CAMK2D: variants seen among roughly 807,000 people sequenced by gnomAD.
CAMK2D encodes the protein calcium/calmodulin-dependent protein kinase type II subunit delta.
CAMK2D carries 37 observed loss-of-function variants against 84.0 expected under a neutral mutation model. The observed-to-expected ratio is 0.44, with a 90% CI of 0.34 to 0.58. The LOEUF is 0.58. Ranked by LOEUF, CAMK2D falls within the 20% of genes least tolerant of loss-of-function variation. CAMK2D has a pLI of 0.02. For missense variants in CAMK2D, 448 were observed against 652.5 expected (o/e 0.69, Z 3.41); for synonymous variants, 202 against 212.5 (o/e 0.95, Z 0.43).
intron 2 of CAMK2D, among the ~76,000 whole-genome samples, chr4:113,707,558 A>G (rs1227823700): frequency 1.3e-5 from 2 of 152,220 alleles, no homozygotes; most frequent in Non-Finnish European, 2.9e-5. Flanking sequence ...CAGATATTTA[A>G]TGTACCTAGG....
intron 4 of CAMK2D, among the ~76,000 whole-genome samples, chr4:113,572,519 T>C (rs1202595882): frequency 6.7e-6 from 1 of 150,102 alleles, no homozygotes; most frequent in African/African-American, 2.4e-5. Context: ...CAGCCAACAA[T>C]TATATGAAAA....
intron 2 of CAMK2D, among the ~76,000 whole-genome samples, chr4:113,666,589 A>ACACG (rs1377992581): frequency 6.6e-6 from 1 of 151,886 alleles, no homozygotes; most frequent in African/African-American, 2.4e-5. Context: ...GCATGCACAC[A>ACACG]CACGCACGCA....
At chr4:113,515,962 T>G (rs1486196324) in intron 9 of CAMK2D, among the ~76,000 whole-genome samples, 2 of 152,228 alleles carry the variant, frequency 1.3e-5, no homozygotes, top group Admixed American at 6.5e-5. Context: ...TACTTTTATA[T>G]GATTAGCATA....
intron 2 of CAMK2D, among the ~76,000 whole-genome samples, chr4:113,726,655 C>T (rs2099546940): frequency 6.6e-6 from 1 of 151,962 alleles, no homozygotes; most frequent in Non-Finnish European, 1.5e-5. Context: ...ATCCTGCCAC[C>T]TCAGCCTCCC....
chr4:113,737,773 G>A (rs1301598899), intron 2 of CAMK2D, among the ~76,000 whole-genome samples: 1 of 151,902 alleles, frequency 6.6e-6, no homozygotes, highest in Middle Eastern at 3.2e-3. Flanking sequence ...TCATCTGGTT[G>A]TGAATCTTTA....
intron 16 of CAMK2D, among the ~76,000 whole-genome samples, chr4:113,496,518 G>T (rs80227483): frequency 1.4e-5 from 2 of 146,910 alleles, no homozygotes; most frequent in Non-Finnish European, 3.0e-5. Flanking sequence ...GCACAATCTC[G>T]GCTCACTGCA....
At chr4:113,680,869 T>C (rs762533901) in intron 2 of CAMK2D, among the ~76,000 whole-genome samples, 2 of 152,222 alleles carry the variant, frequency 1.3e-5, no homozygotes, top group Non-Finnish European at 2.9e-5. Flanking sequence ...CACCTTTCTC[T>C]GGGGCAGCAC....
chr4:113,691,198 A>T (rs187479888), intron 2 of CAMK2D, among the ~76,000 whole-genome samples: 1 of 152,336 alleles, frequency 6.6e-6, no homozygotes, highest in East Asian at 1.9e-4. Flanking sequence ...GTCACCCATT[A>T]CAACACTTTG....
intron 3 of CAMK2D, 39 bp downstream of exon 3, chr4:113,661,674 T>C: frequency 1.1e-6 from 1 of 940,876 alleles, no homozygotes; most frequent in Non-Finnish European, 1.6e-6. Context: ...CATAAAATTT[T>C]AAATTAACAT....
At chr4:113,646,317 T>G (rs2099151883) in intron 3 of CAMK2D, among the ~76,000 whole-genome samples, 1 of 152,176 alleles carries the variant, frequency 6.6e-6, no homozygotes, top group African/African-American at 2.4e-5. Flanking sequence ...GGCAGGTGCT[T>G]TTTTAGGTAC....
intron 2 of CAMK2D, among the ~76,000 whole-genome samples, chr4:113,697,495 T>C (rs1226936735): frequency 6.6e-6 from 1 of 152,104 alleles, no homozygotes; most frequent in East Asian, 1.9e-4. Context: ...CAATAAATAT[T>C]TGTTGAATAA....
At chr4:113,508,468 A>G (rs2098162138) in intron 13 of CAMK2D, among the ~76,000 whole-genome samples, 2 of 152,250 alleles carry the variant, frequency 1.3e-5, no homozygotes. Context: ...TGAGCTCTCC[A>G]TCACTGAACG....
Position 113,457,447 on chromosome 4 carries a change from T to A in CAMK2D, c.1423A>T (p.Ser475Cys), listed in dbSNP as rs1471439605. Residue 475 changes from serine to cysteine, a missense_variant, in exon 19 of 21, where the codon AGT (serine) becomes TGT (cysteine). Ser to Cys is a moderately radical substitution (Grantham distance 112). This residue lies in a region of CAMK2D where 219 missense variants were observed against 272.1 expected (regional missense o/e 0.80). Coordinates refer to ENST00000511664, the MANE Select transcript of CAMK2D (RefSeq NM_001321571.2). ...YIRLTQYMDG[S>C]GMPKTMQSEE... ...GACTGCATTGTCTTTGGCATTCCAC[T>A]GCCATCCATGTACTGTGTGAGCCTA... is the stretch of plus-strand genomic sequence containing the variant. 4 of 1,613,914 alleles carry A rather than the reference T, an allele frequency of 2.5e-6. No homozygotes were observed. Among genetic ancestry groups the A allele is most frequent in the Non-Finnish European group, 3.4e-6 (4 of 1,179,824 alleles).
chr4:113,633,112 G>A (rs980873268), intron 3 of CAMK2D, among the ~76,000 whole-genome samples: 3 of 152,138 alleles, frequency 2.0e-5, no homozygotes, highest in Non-Finnish European at 2.9e-5. Context: ...AAATCAATAC[G>A]AGGAAACTAA....
chr4:113,686,530 G>C (rs2099360390), intron 2 of CAMK2D, among the ~76,000 whole-genome samples: 1 of 152,100 alleles, frequency 6.6e-6, no homozygotes, highest in Non-Finnish European at 1.5e-5. Context: ...AATTGTAAGA[G>C]ATGATTTTTA....
chr4:113,548,859 T>A (rs192403965), intron 5 of CAMK2D: 96 of 554,294 alleles, frequency 1.7e-4, no homozygotes, highest in Admixed American at 4.6e-4. Flanking sequence ...TCACTTTTTT[T>A]AGCTTTACGT....
At chr4:113,625,713 C>CATTATTATTATTATTATTATT (rs2099065133) in intron 3 of CAMK2D, among the ~76,000 whole-genome samples, 1 of 151,976 alleles carries the variant, frequency 6.6e-6, no homozygotes, top group African/African-American at 2.4e-5. Context: ...TGGAGTATGC[C>CATTATTATTATTATTATTATT]ATTATTAAAG....
intron 3 of CAMK2D, among the ~76,000 whole-genome samples, chr4:113,630,207 G>T (rs2099083919): frequency 6.6e-6 from 1 of 152,168 alleles, no homozygotes; most frequent in South Asian, 2.1e-4. Context: ...GCATAAAATA[G>T]AATAGTTTTT....
chr4:113,591,539 T>C (rs2098883362), intron 4 of CAMK2D, among the ~76,000 whole-genome samples: 1 of 152,228 alleles, frequency 6.6e-6, no homozygotes, highest in South Asian at 2.1e-4. Context: ...GCTAGAATGA[T>C]TTCTCTAAAT....
Sources: allele counts gnomAD v4.1 joint callset (sites outside exome capture counted in the v4.1 genomes callset), GRCh38; gene constraint gnomAD v4.1.1; regional missense constraint gnomAD v4.1.1; transcripts MANE v1.5; gene names NCBI Gene and HGNC (gene_info 2026-07-23, HGNC 2026-07-21).